Variants in GPA33 observed in about 807,000 individuals in gnomAD.
GPA33 encodes the protein cell surface A33 antigen.
A neutral mutation model predicts 35.6 loss-of-function variants in GPA33; 27 were observed. That is an observed-to-expected ratio of 0.76 (90% CI 0.56 to 1.04). GPA33 has a LOEUF of 1.04. Among genes scored for constraint, GPA33 ranks in the 50% least tolerant of loss-of-function variants. The pLI, the probability that GPA33 is intolerant of heterozygous loss-of-function variation, is 0.00. For missense variants in GPA33, 428 were observed against 411.9 expected, an observed-to-expected ratio of 1.04 and a Z score of -0.34; for synonymous variants, 176 against 164.0, an observed-to-expected ratio of 1.07 and a Z score of -0.56.
intron 1 of GPA33, among the ~76,000 whole-genome samples, chr1:167,080,592 C>T (rs923140095): frequency 1.3e-5 from 2 of 152,198 alleles, no homozygotes; most frequent in African/African-American, 2.4e-5. Flanking sequence ...AACTGTGTAA[C>T]CTTAGGCAAC....
At chr1:167,088,915 G>C (rs1240508534) in intron 1 of GPA33, among the ~76,000 whole-genome samples, 2 of 152,140 alleles carry the variant, frequency 1.3e-5, no homozygotes, top group Non-Finnish European at 1.5e-5. Flanking sequence ...CATCCTCCCT[G>C]CCTGAATCTG....
chr1:167,088,329 C>G (rs1408664353), intron 1 of GPA33, among the ~76,000 whole-genome samples: 1 of 152,192 alleles, frequency 6.6e-6, no homozygotes, highest in Non-Finnish European at 1.5e-5. Context: ...CTTTGAAGGT[C>G]TTCCTTGCTC....
At chr1:167,065,094 C>A (rs1457334560) in intron 3 of GPA33, among the ~76,000 whole-genome samples, 1 of 152,220 alleles carries the variant, frequency 6.6e-6, no homozygotes, top group Admixed American at 6.5e-5. Context: ...ACAAACCTCA[C>A]TGGGTGCCTA....
intron 4 of GPA33, among the ~76,000 whole-genome samples, chr1:167,061,942 A>G: frequency 6.6e-6 from 1 of 151,850 alleles, no homozygotes; most frequent in East Asian, 1.9e-4. Flanking sequence ...GTGCACCCCC[A>G]ATGTGTGCAT....
rs368939257 is a variant in GPA33 at position 167,069,068 on chromosome 1, CT to C, written c.268del (p.Ser90AlafsTer18). On this transcript the variant is annotated frameshift_variant, in exon 3 of 7. Transcript: ENST00000367868. LOFTEE classifies it high-confidence loss of function. ...GGACTGCTCAGCATTGTTGGATATG[CT>C]GACGCGATTCTTATAAAGCTCACCA... is the stretch of plus-strand genomic sequence containing the variant. ...IHGELYKNRV[S>X]ISNNAEQSDA... 88 of 1,614,014 alleles carry C rather than the reference CT, an allele frequency of 5.5e-5. No individual in the cohort carries two copies. In the African/African-American group the frequency reaches 9.2e-4, roughly 17 times the overall value.
chr1:167,083,878 C>A (rs1266212048), intron 1 of GPA33, among the ~76,000 whole-genome samples: 1 of 151,626 alleles, frequency 6.6e-6, no homozygotes, highest in African/African-American at 2.4e-5. Flanking sequence ...ATATGATATC[C>A]TTTAGCCTCC....
chr1:167,085,625 A>G (rs904789360), intron 1 of GPA33, among the ~76,000 whole-genome samples: 8 of 152,112 alleles, frequency 5.3e-5, no homozygotes, highest in Non-Finnish European at 1.2e-4. Context: ...CTCAGGCCCT[A>G]CCCTGGACAT....
At chr1:167,062,527 G>C (rs1666479402) in intron 4 of GPA33, among the ~76,000 whole-genome samples, 1 of 151,460 alleles carries the variant, frequency 6.6e-6, no homozygotes, top group African/African-American at 2.4e-5. Context: ...AGCAAGCCTT[G>C]TCTTTCTTGA....
chr1:167,078,020 G>C (rs931193593), intron 1 of GPA33, among the ~76,000 whole-genome samples: 2 of 152,192 alleles, frequency 1.3e-5, no homozygotes, highest in African/African-American at 4.8e-5. Flanking sequence ...GCCCTGGTGA[G>C]GGTATAGGGC....
intron 4 of GPA33, 118 bp from the exon 5 acceptor site, chr1:167,055,967 C>T (rs1400343530): frequency 2.3e-5 from 23 of 1,002,290 alleles, no homozygotes; most frequent in South Asian, 1.3e-4. Context: ...TTCTTCAGGC[C>T]GGAGCCCCAT....
chr1:167,088,835 T>C (rs927518347), intron 1 of GPA33, among the ~76,000 whole-genome samples: 1 of 152,122 alleles, frequency 6.6e-6, no homozygotes, highest in Non-Finnish European at 1.5e-5. Flanking sequence ...CAGGAGAAGA[T>C]GGGAGAATCA....
At chr1:167,083,804 A>C (rs1571320493) in intron 1 of GPA33, among the ~76,000 whole-genome samples, 1 of 152,190 alleles carries the variant, frequency 6.6e-6, no homozygotes, top group East Asian at 1.9e-4. Flanking sequence ...ATGTTCCAGA[A>C]ACTAACACAA....
chr1:167,056,736 GGTGTGTGTGGTGTGTGTATGGC>G (rs1436045759), intron 4 of GPA33, among the ~76,000 whole-genome samples: 8 of 3,166 alleles, frequency 2.5e-3, no homozygotes, highest in Middle Eastern at 0.083. Context: ...TGATGTATGT[GGTGTGTGTGGTGTGTGTATGGC>G]GTGTGTGTGG....
chr1:167,077,857 A>G (rs1264956574), intron 1 of GPA33, among the ~76,000 whole-genome samples: 1 of 152,166 alleles, frequency 6.6e-6, no homozygotes, highest in Admixed American at 6.5e-5. Context: ...ATTTATTTTC[A>G]TACTCTCTTT....
chr1:167,078,974 C>T (rs1358405386), intron 1 of GPA33, among the ~76,000 whole-genome samples: 1 of 152,150 alleles, frequency 6.6e-6, no homozygotes, highest in Non-Finnish European at 1.5e-5. Flanking sequence ...GCTTCCTTGT[C>T]TCATACTCTG....
intron 4 of GPA33, among the ~76,000 whole-genome samples, chr1:167,063,060 A>T (rs1278883643): frequency 2.0e-5 from 3 of 152,168 alleles, no homozygotes; most frequent in Admixed American, 6.5e-5. Flanking sequence ...AACATTTACC[A>T]CGGCTTCCGC....
chr1:167,063,588 G>A lies in GPA33; in HGVS notation c.565C>T (p.Gln189Ter). ...TTCCCTACTGCCCCCTTACCTGGCT[G>A]GGCCAGGGGCTGCTCCTGATTCAGG... ...NILNQEQPLA[Q>*]PASGQPVSLK... is the part of the protein sequence containing the mutation. Residue 189 changes from glutamine to a stop codon, truncating the protein, a stop_gained, in exon 4 of 7, where the codon CAG becomes TAG. Coordinates refer to ENST00000367868, the MANE Select transcript of GPA33 (RefSeq NM_005814.3). LOFTEE classifies it high-confidence loss of function. The A allele has an allele frequency of 6.2e-7, 1 of 1,603,150 alleles. No homozygotes were observed. Among genetic ancestry groups the A allele is most frequent in the Non-Finnish European group, 8.5e-7 (1 of 1,173,174 alleles).
At chr1:167,084,503 G>A (rs1318869954) in intron 1 of GPA33, among the ~76,000 whole-genome samples, 3 of 152,218 alleles carry the variant, frequency 2.0e-5, no homozygotes, top group Admixed American at 2.0e-4. Flanking sequence ...TGGGTTCTGT[G>A]ACTGCTTCTC....
intron 1 of GPA33, among the ~76,000 whole-genome samples, chr1:167,086,578 C>A (rs1036443628): frequency 6.6e-6 from 1 of 152,154 alleles, no homozygotes; most frequent in Non-Finnish European, 1.5e-5. Context: ...GTGTAGGGCA[C>A]CACATTTAGG....
Sources: gnomAD v4.1 joint callset for allele counts (sites outside exome capture counted in the v4.1 genomes callset) on GRCh38, gnomAD v4.1.1 for gene constraint, MANE v1.5 for transcripts, NCBI Gene and HGNC (gene_info 2026-07-23, HGNC 2026-07-21) for gene names.